ANKIB1: variants seen among roughly 807,000 people sequenced by gnomAD.
The protein encoded by ANKIB1 is ankyrin repeat and IBR domain-containing protein 1.
A neutral mutation model predicts 122.1 loss-of-function variants in ANKIB1; 43 were observed. The ratio of observed to expected loss-of-function variants is 0.35; its 90% CI spans 0.28 to 0.45. The LOEUF is 0.45. Ranked by LOEUF, ANKIB1 falls within the 20% of genes least tolerant of loss-of-function variation. The pLI, the probability that ANKIB1 is intolerant of heterozygous loss-of-function variation, is 1.00. For synonymous variants in ANKIB1, 390 were observed against 442.0 expected, an observed-to-expected ratio of 0.88 and a Z score of 1.48; for missense variants, 992 against 1,329.5, an observed-to-expected ratio of 0.75 and a Z score of 3.95.
intron 7 of ANKIB1, chr7:92,348,045 T>C (rs913094279): frequency 8.4e-5 from 36 of 427,302 alleles, no homozygotes; most frequent in Non-Finnish European, 1.6e-4. Flanking sequence ...TTCTCTCTTT[T>C]AGTGACACTT....
At chr7:92,290,222 G>A (rs139111336) in intron 1 of ANKIB1, among the ~76,000 whole-genome samples, 1 of 152,326 alleles carries the variant, frequency 6.6e-6, no homozygotes, top group African/African-American at 2.4e-5. Context: ...TTTCAACCTG[G>A]AGTGGGATGG....
At chr7:92,349,383 G>A (rs892636420) in intron 7 of ANKIB1, among the ~76,000 whole-genome samples, 1 of 152,204 alleles carries the variant, frequency 6.6e-6, no homozygotes, top group Non-Finnish European at 1.5e-5. Context: ...TGAAAGAGAA[G>A]ATGGAGCAAA....
chr7:92,349,582 A>C (rs1304290353), intron 7 of ANKIB1, among the ~76,000 whole-genome samples: 2 of 152,172 alleles, frequency 1.3e-5, no homozygotes, highest in Non-Finnish European at 2.9e-5. Context: ...TTTTCTCTAG[A>C]TTTAAGTGTT....
chr7:92,352,996 A>G (rs1294411655), intron 9 of ANKIB1, among the ~76,000 whole-genome samples: 1 of 152,208 alleles, frequency 6.6e-6, no homozygotes, highest in Non-Finnish European at 1.5e-5. Context: ...TTTAAAGCCC[A>G]TGTGCCTAAA....
intron 5 of ANKIB1, among the ~76,000 whole-genome samples, chr7:92,329,880 A>AGGAG (rs1491557861): frequency 2.0e-5 from 3 of 152,188 alleles, no homozygotes; most frequent in Non-Finnish European, 2.9e-5. Flanking sequence ...CCTAGTCTCC[A>AGGAG]GTTTTACCAT....
At chr7:92,281,762 A>G (rs1479892266) in intron 1 of ANKIB1, among the ~76,000 whole-genome samples, 1 of 152,212 alleles carries the variant, frequency 6.6e-6, no homozygotes, top group East Asian at 1.9e-4. Context: ...TGGTGGAGCG[A>G]GTTCTTTTCC....
intron 1 of ANKIB1, among the ~76,000 whole-genome samples, chr7:92,287,188 A>G (rs559429005): frequency 3.3e-5 from 5 of 152,368 alleles, no homozygotes; most frequent in South Asian, 2.1e-4. Flanking sequence ...TAACATTGGT[A>G]CAGTACTACT....
At chr7:92,300,982 CA>C (rs1393885428) in intron 2 of ANKIB1, among the ~76,000 whole-genome samples, 4 of 152,140 alleles carry the variant, frequency 2.6e-5, no homozygotes, top group Non-Finnish European at 2.9e-5. Flanking sequence ...CTGAACTTAG[CA>C]AAATATCCTC....
rs1027550941 is a variant in ANKIB1, at chr7:92,383,604, G to A, written c.1618-2905G>A. On this transcript the variant is annotated intron_variant, in intron 11 of 19. Transcript: ENST00000265742. ...GTTCAACATACACAAATCAATAAAC[G>A]TAATCCATCACATAAACAGAACCAA... Among the ~76,000 whole-genome samples the A allele has an allele frequency of 5.3e-5, 8 of 151,970 alleles. No homozygotes were observed. The East Asian group carries it at 1.2e-3, about 22-fold the overall frequency.
intron 1 of ANKIB1, among the ~76,000 whole-genome samples, chr7:92,252,734 C>T (rs542992055): frequency 2.0e-5 from 3 of 152,144 alleles, no homozygotes; most frequent in East Asian, 1.9e-4. Context: ...CAAGCTGGCT[C>T]GTCTGCCCGT....
intron 1 of ANKIB1, among the ~76,000 whole-genome samples, chr7:92,294,086 G>A (rs1585092669): frequency 6.6e-6 from 1 of 152,080 alleles, no homozygotes; most frequent in African/African-American, 2.4e-5. Flanking sequence ...ACGGTATTTT[G>A]AACTTCATGT....
intron 9 of ANKIB1, among the ~76,000 whole-genome samples, chr7:92,353,447 TAAAAA>T (rs1358210425): frequency 6.6e-6 from 1 of 152,082 alleles, no homozygotes; most frequent in Non-Finnish European, 1.5e-5. Context: ...AAGTAAATGA[TAAAAA>T]AGAAAAAAGC....
chr7:92,289,513 A>G (rs1174919130), intron 1 of ANKIB1, among the ~76,000 whole-genome samples: 1 of 152,154 alleles, frequency 6.6e-6, no homozygotes, highest in Non-Finnish European at 1.5e-5. Context: ...TCACCATCAC[A>G]TTTCTGGCCC....
At chr7:92,393,324 T>C (rs1299209240) in intron 17 of ANKIB1, among the ~76,000 whole-genome samples, 2 of 152,096 alleles carry the variant, frequency 1.3e-5, no homozygotes, top group Non-Finnish European at 1.5e-5. Flanking sequence ...CATTTTAAAT[T>C]CACTTAAATT....
chr7:92,275,601 G>T (rs75924911), intron 1 of ANKIB1, among the ~76,000 whole-genome samples: 2,313 of 152,232 alleles, frequency 0.015, 53 homozygotes, highest in African/African-American at 0.052. Flanking sequence ...AAGACAGGAG[G>T]TGTATTAACC....
chr7:92,291,966 A>G (rs1802259961), intron 1 of ANKIB1, among the ~76,000 whole-genome samples: 1 of 152,176 alleles, frequency 6.6e-6, no homozygotes, highest in Non-Finnish European at 1.5e-5. Flanking sequence ...GTTTTCCTGT[A>G]AAGAATTAGA....
intron 2 of ANKIB1, among the ~76,000 whole-genome samples, chr7:92,306,904 T>A (rs1375069743): frequency 2.0e-5 from 3 of 152,200 alleles, no homozygotes; most frequent in South Asian, 2.1e-4. Context: ...ATATAGTAGT[T>A]GTTGTCACTA....
intron 14 of ANKIB1, among the ~76,000 whole-genome samples, chr7:92,389,597 C>T (rs1804740873): frequency 6.6e-6 from 1 of 152,006 alleles, no homozygotes; most frequent in Non-Finnish European, 1.5e-5. Flanking sequence ...TCATTCTTAA[C>T]CAGGGAAATT....
chr7:92,386,634 G>A lies in ANKIB1; in HGVS notation c.1743G>A (p.Met581Ile), dbSNP rs982695434. 10 of 1,600,162 alleles carry A rather than the reference G, an allele frequency of 6.2e-6. No individual in the cohort carries two copies. In the East Asian group the frequency reaches 9.1e-5, roughly 14 times the overall value. Residue 581 changes from methionine (M) to isoleucine (I), a missense_variant, in exon 12 of 20, where the codon ATG becomes ATA. Met to Ile is a conservative substitution (Grantham distance 10, BLOSUM62 1). This residue lies in a region of ANKIB1 where 521 missense variants were observed against 777.7 expected (regional missense o/e 0.67). Coordinates refer to ENST00000265742, the MANE Select transcript of ANKIB1 (RefSeq NM_019004.2). ...IQHVEEQSKE[M>I]TVEAEKKHKR... ...ACGTGGAGGAGCAATCCAAGGAAAT[G>A]ACTGTGGAGGTAAAGAGAACCAATT...
Sources: allele counts gnomAD v4.1 joint callset (sites outside exome capture counted in the v4.1 genomes callset), GRCh38; gene constraint gnomAD v4.1.1; regional missense constraint gnomAD v4.1.1; transcripts MANE v1.5; gene names NCBI Gene and HGNC (gene_info 2026-07-23, HGNC 2026-07-21).